CYP2C18: variants seen among roughly 807,000 people sequenced by gnomAD.
CYP2C18 encodes cytochrome P450 family 2 subfamily C member 18, also known as cytochrome P450 2C18.
CYP2C18 carries 38 observed loss-of-function variants against 41.3 expected under a neutral mutation model. The ratio of observed to expected loss-of-function variants is 0.92; its 90% confidence interval spans 0.71 to 1.21. The LOEUF (loss-of-function observed/expected upper bound fraction) is 1.21. Ranked by LOEUF, CYP2C18 falls within the 50% of genes most tolerant of loss-of-function variation. The probability of loss-of-function intolerance (pLI) is 0.00; values close to 1 mark genes in which losing one functional copy is unlikely to be tolerated. For synonymous variants in CYP2C18, 236 were observed against 210.0 expected (o/e 1.12, Z -1.07); for missense variants, 635 against 591.4 (o/e 1.07, Z -0.77).
Position 94,735,304 on chromosome 10 carries a change from C to G in CYP2C18, c.1333C>G (p.Leu445Val), listed in dbSNP as rs773532157. Reference protein sequence around the residue: ...CMGEGLARMELFLFLTTILQN... With the variant: ...CMGEGLARMEVFLFLTTILQN... ...GGGAGAGGGCCTGGCCCGCATGGAG[C>G]TGTTTTTATTCCTGACCACCATTTT... Residue 445 changes from leucine to valine, a missense_variant, in exon 9 of 9, where the codon CTG (leucine) becomes GTG (valine). By Grantham distance (32) the Leu-to-Val change is conservative. Coordinates refer to ENST00000285979, the MANE Select transcript of CYP2C18 (RefSeq NM_000772.3). 6.2e-7 allele frequency: 1 copy of G among 1,613,668 alleles called. No individual in the cohort carries two copies. Among genetic ancestry groups the G allele is most frequent in the Non-Finnish European group, 8.5e-7 (1 of 1,179,720 alleles).
intron 8 of CYP2C18, among the ~76,000 whole-genome samples, chr10:94,734,955 A>G (rs1407127058): frequency 6.6e-6 from 1 of 152,212 alleles, no homozygotes. Context: ...CATTTCTAGA[A>G]AAAGACTGAT....
chr10:94,718,326 A>T (rs1405944572), intron 5 of CYP2C18, among the ~76,000 whole-genome samples: 1 of 152,022 alleles, frequency 6.6e-6, no homozygotes, highest in Admixed American at 6.6e-5. Flanking sequence ...TTTAATTATC[A>T]GTTCTAAGAG....
At chr10:94,701,399 T>C (rs1474136524) in intron 4 of CYP2C18, among the ~76,000 whole-genome samples, 1 of 151,800 alleles carries the variant, frequency 6.6e-6, no homozygotes, top group Non-Finnish European at 1.5e-5. Context: ...TGTTCTCACT[T>C]ATAGGTGGGA....
rs932953000 is a variant in CYP2C18 at position 94,724,438 on chromosome 10, G to C, written c.1054G>C (p.Val352Leu). Residue 352 changes from valine (V) to leucine (L), a missense_variant, in exon 7 of 9, where the codon GTG becomes CTG. Physicochemically the swap from Val to Leu is conservative, Grantham distance 32. Coordinates refer to ENST00000285979, the MANE Select transcript of CYP2C18 (RefSeq NM_000772.3). ...RSHMPYTDAV[V>L]HEIQRYIDLL... ...TCACATGCCCTACACAGATGCTGTG[G>C]TGCACGAGATCCAGAGATACATTGA... 69 of 1,613,444 alleles carry C rather than the reference G, an allele frequency of 4.3e-5. No homozygotes were observed. Among genetic ancestry groups the C allele is most frequent in the Non-Finnish European group, 5.6e-5 (66 of 1,179,730 alleles).
At chr10:94,684,101 A>G (rs1301922796) in intron 1 of CYP2C18, 114 bp downstream of exon 1, 1 of 694,532 alleles carries the variant, frequency 1.4e-6, no homozygotes, top group Non-Finnish European at 2.2e-6. Context: ...TTAATGGGGT[A>G]CAATATTACA....
Position 94,735,519 on chromosome 10 carries a change from T to G in CYP2C18, c.*75T>G. 7.0e-7 allele frequency: 1 copy of G among 1,434,708 alleles called. No homozygotes were observed. The highest frequency in any genetic ancestry group is 9.8e-7 in the Non-Finnish European group (1 of 1,025,044). The allele number at this position is 1,434,708 out of a possible 1,614,324, so 88.9% of individuals were successfully genotyped here. On this transcript the variant is annotated 3_prime_UTR_variant, in exon 9 of 9. Coordinates refer to ENST00000285979, the MANE Select transcript of CYP2C18 (RefSeq NM_000772.3). Reference sequence around the variant, plus strand: ...CTTATCAGGGCCATTGGCCTCTCCCTTCTCTCTGTGAGGGATATTTTCTCT... The same window carrying G: ...CTTATCAGGGCCATTGGCCTCTCCCGTCTCTCTGTGAGGGATATTTTCTCT...
At chr10:94,707,069 A>G (rs896903952) in intron 5 of CYP2C18, 109 bp downstream of exon 5, 9 of 756,280 alleles carry the variant, frequency 1.2e-5, no homozygotes, top group South Asian at 1.8e-5. Flanking sequence ...TGTACTTACC[A>G]TGTGTATAGA....
intron 6 of CYP2C18, among the ~76,000 whole-genome samples, chr10:94,721,622 C>T (rs1002704817): frequency 1.3e-5 from 2 of 152,022 alleles, no homozygotes; most frequent in Non-Finnish European, 1.5e-5. Flanking sequence ...ACCTTTCCAC[C>T]TTTTGGACTC....
intron 5 of CYP2C18, among the ~76,000 whole-genome samples, chr10:94,708,073 C>A (rs545016525): frequency 6.6e-6 from 1 of 152,276 alleles, no homozygotes; most frequent in East Asian, 1.9e-4. Flanking sequence ...TTATTTTATT[C>A]AACCGCTTTA....
intron 4 of CYP2C18, among the ~76,000 whole-genome samples, chr10:94,701,232 A>G (rs1301814374): frequency 1.3e-5 from 2 of 152,218 alleles, no homozygotes; most frequent in Non-Finnish European, 2.9e-5. Context: ...ATATCCAACA[A>G]TGATAGATTG....
chr10:94,712,628 G>C (rs1038251651), intron 5 of CYP2C18, among the ~76,000 whole-genome samples: 1 of 152,014 alleles, frequency 6.6e-6, no homozygotes, highest in Non-Finnish European at 1.5e-5. Flanking sequence ...ATTAGCTATT[G>C]GGAATAGTGC....
intron 7 of CYP2C18, among the ~76,000 whole-genome samples, chr10:94,727,433 A>T (rs572590836): frequency 6.6e-6 from 1 of 152,188 alleles, no homozygotes; most frequent in African/African-American, 2.4e-5. Flanking sequence ...TGAGCAACAT[A>T]GTGAAACTCT....
intron 5 of CYP2C18, among the ~76,000 whole-genome samples, chr10:94,719,659 C>T (rs1336821225): frequency 6.6e-6 from 1 of 151,726 alleles, no homozygotes; most frequent in Non-Finnish European, 1.5e-5. Flanking sequence ...ACTGCAACCT[C>T]CGTCTCCTGG....
At chr10:94,718,852 C>G (rs1271843227) in intron 5 of CYP2C18, among the ~76,000 whole-genome samples, 2 of 152,094 alleles carry the variant, frequency 1.3e-5, no homozygotes, top group African/African-American at 2.4e-5. Flanking sequence ...TGTGGGGAAC[C>G]TTAGAGTTAG....
rs766752329 is a variant in CYP2C18 at position 94,724,543 on chromosome 10, T to C, written c.1149+10T>C. 18 of 1,611,254 alleles carry C rather than the reference T, an allele frequency of 1.1e-5. No individual in the cohort carries two copies. In the Admixed American group the frequency reaches 3.0e-4, roughly 27 times the overall value. On this transcript the variant is annotated intron_variant, in intron 7 of 8. Coordinates refer to ENST00000285979, the MANE Select transcript of CYP2C18 (RefSeq NM_000772.3). ...CTACCTCATCCCCAAGGTAAGCTTG[T>C]TTCTCCTACACTACATCTCCATGCT...
intron 7 of CYP2C18, among the ~76,000 whole-genome samples, chr10:94,728,921 A>C (rs1411853223): frequency 6.6e-6 from 1 of 152,024 alleles, no homozygotes; most frequent in Non-Finnish European, 1.5e-5. Flanking sequence ...AGTCTTGCTA[A>C]TTTTTCAGCT....
intron 3 of CYP2C18, among the ~76,000 whole-genome samples, chr10:94,692,811 C>A (rs1177319029): frequency 6.6e-6 from 1 of 152,072 alleles, no homozygotes; most frequent in East Asian, 1.9e-4. Flanking sequence ...GAAAATGTGG[C>A]ACATATACAC....
At chr10:94,697,488 C>T (rs1463711032) in intron 4 of CYP2C18, among the ~76,000 whole-genome samples, 1 of 152,170 alleles carries the variant, frequency 6.6e-6, no homozygotes, top group Non-Finnish European at 1.5e-5. Context: ...AAGCACTAAA[C>T]ATGGAAAGGA....
chr10:94,719,751 T>C (rs570018250), intron 5 of CYP2C18, among the ~76,000 whole-genome samples: 2 of 152,142 alleles, frequency 1.3e-5, no homozygotes, highest in South Asian at 4.2e-4. Flanking sequence ...ATTTTTGTGT[T>C]TTTAGTAGAG....
Sources: gnomAD v4.1 joint callset for allele counts (sites outside exome capture counted in the v4.1 genomes callset) on GRCh38, gnomAD v4.1.1 for gene constraint, MANE v1.5 for transcripts, NCBI Gene and HGNC (gene_info 2026-07-23, HGNC 2026-07-21) for gene names.